Variants in OSTN observed in about 807,000 individuals in gnomAD.
The protein encoded by OSTN is osteocrin.
In OSTN, 9 loss-of-function variants were observed where a neutral mutation model predicts 12.0. The observed-to-expected ratio is 0.75, with a 90% CI of 0.45 to 1.30. The LOEUF is 1.30. Among genes scored for constraint, OSTN ranks in the 50% most tolerant of loss-of-function variants. The pLI is 0.00. For missense variants in OSTN, 148 were observed against 152.3 expected, an observed-to-expected ratio of 0.97 and a Z score of 0.15; for synonymous variants, 59 against 56.9, an observed-to-expected ratio of 1.04 and a Z score of -0.16.
chr3:191,211,113 C>T (rs1306325082), intron 1 of OSTN, among the ~76,000 whole-genome samples: 1 of 152,174 alleles, frequency 6.6e-6, no homozygotes, highest in Non-Finnish European at 1.5e-5. Context: ...CTCACTTCTT[C>T]ATCTCTGCAG....
intron 3 of OSTN, among the ~76,000 whole-genome samples, chr3:191,235,119 T>C (rs73199661): frequency 0.35 from 52,744 of 152,136 alleles, 11,075 homozygotes; most frequent in Non-Finnish European, 0.43. Context: ...CCCATCCCCA[T>C]GCATTCCAAC....
intron 1 of OSTN, among the ~76,000 whole-genome samples, chr3:191,205,308 C>T (rs1034503272): frequency 2.0e-5 from 3 of 152,056 alleles, no homozygotes; most frequent in Non-Finnish European, 2.9e-5. Flanking sequence ...TATTCCTGTC[C>T]TTCAAGTCTG....
intron 3 of OSTN, among the ~76,000 whole-genome samples, chr3:191,226,121 C>G (rs566545573): frequency 7.9e-5 from 12 of 151,900 alleles, no homozygotes; most frequent in African/African-American, 2.7e-4. Flanking sequence ...ATATGAATAT[C>G]GAGACAAAAG....
intron 3 of OSTN, among the ~76,000 whole-genome samples, chr3:191,220,317 T>C (rs1714730561): frequency 6.6e-6 from 1 of 152,194 alleles, no homozygotes; most frequent in Non-Finnish European, 1.5e-5. Flanking sequence ...AATCCTCTCC[T>C]ATATTTTGAA....
At chr3:191,260,646 A>G (rs557516418) in intron 4 of OSTN, among the ~76,000 whole-genome samples, 56 of 152,262 alleles carry the variant, frequency 3.7e-4, no homozygotes, top group African/African-American at 1.2e-3. Context: ...ATTAGTAACA[A>G]AAAAAGTCTT....
At chr3:191,248,051 C>T (rs1303042769) in intron 3 of OSTN, among the ~76,000 whole-genome samples, 2 of 152,106 alleles carry the variant, frequency 1.3e-5, no homozygotes, top group Non-Finnish European at 1.5e-5. Flanking sequence ...CCAGGCTGAT[C>T]TCAAACTCCA....
At chr3:191,245,580 G>C (rs2108549340) in intron 3 of OSTN, among the ~76,000 whole-genome samples, 1 of 152,168 alleles carries the variant, frequency 6.6e-6, no homozygotes, top group South Asian at 2.1e-4. Context: ...AGGAAAGAAA[G>C]GAAGTAAAAC....
chr3:191,260,590 A>G (rs1406610976), intron 4 of OSTN, among the ~76,000 whole-genome samples: 2 of 152,170 alleles, frequency 1.3e-5, no homozygotes, highest in African/African-American at 2.4e-5. Context: ...AAAGCTCCTT[A>G]TGGACAGGAC....
chr3:191,212,438 T>G (rs1714481711), intron 1 of OSTN, 95 bp from the exon 2 acceptor site: 1 of 593,476 alleles, frequency 1.7e-6, no homozygotes, highest in East Asian at 3.6e-5. Context: ...TAATTTGGCT[T>G]ACCATTTGCC....
chr3:191,261,822 A>G (rs1243442258), intron 4 of OSTN, among the ~76,000 whole-genome samples: 1 of 152,254 alleles, frequency 6.6e-6, no homozygotes, highest in African/African-American at 2.4e-5. Context: ...ACTCAAATTC[A>G]AAGAAGTATT....
At chr3:191,208,937 C>T (rs113000138) in intron 1 of OSTN, among the ~76,000 whole-genome samples, 52 of 152,200 alleles carry the variant, frequency 3.4e-4, no homozygotes, top group Non-Finnish European at 6.8e-4. Flanking sequence ...GCAGGTGGAT[C>T]ACCTGAGGTC....
chr3:191,224,168 G>C (rs894037967), intron 3 of OSTN, among the ~76,000 whole-genome samples: 1 of 151,852 alleles, frequency 6.6e-6, no homozygotes, highest in Non-Finnish European at 1.5e-5. Flanking sequence ...ACCTGAGGTC[G>C]GGAGTTGGAT....
rs77662219 is a variant in OSTN, at chr3:191,224,378, G to GA, written c.317+5433dup. Among the ~76,000 whole-genome samples the GA allele has an allele frequency of 0.032, 2,196 of 67,916 alleles. 150 individuals are homozygous for GA. The East Asian group carries it at 0.33, about 10-fold the overall frequency. 44.6% of individuals were successfully genotyped at this position (67,916 alleles called of 152,430 possible). On this transcript the variant is annotated intron_variant, in intron 3 of 4. Coordinates refer to ENST00000682035, the MANE Select transcript of OSTN (RefSeq NM_198184.2). ...GCAACAAGAGTGAAACTCCATCTCA[G>GA]AAAAAAAAAAAAAAAAGAAACATAT...
chr3:191,244,961 C>G (rs768632742), intron 3 of OSTN, among the ~76,000 whole-genome samples: 7 of 152,094 alleles, frequency 4.6e-5, no homozygotes, highest in Non-Finnish European at 7.4e-5. Flanking sequence ...GTAGTTTTCA[C>G]TTAAACTCTG....
intron 3 of OSTN, among the ~76,000 whole-genome samples, chr3:191,231,354 CAT>C (rs58457250): frequency 0.031 from 4,616 of 150,522 alleles, 217 homozygotes; most frequent in East Asian, 0.23. Context: ...AAAAATCACA[CAT>C]ATATATATAT....
chr3:191,235,649 T>C (rs1349096083), intron 3 of OSTN, among the ~76,000 whole-genome samples: 1 of 152,138 alleles, frequency 6.6e-6, no homozygotes, highest in Admixed American at 6.5e-5. Flanking sequence ...ATGCCCCTCA[T>C]CCTCACCCTA....
At chr3:191,234,292 G>C (rs1218849619) in intron 3 of OSTN, among the ~76,000 whole-genome samples, 1 of 152,244 alleles carries the variant, frequency 6.6e-6, no homozygotes, top group South Asian at 2.1e-4. Flanking sequence ...AAAACTCTGG[G>C]TACAGGTAGA....
chr3:191,259,629 A>C (rs1361216055), intron 4 of OSTN, among the ~76,000 whole-genome samples: 1 of 151,824 alleles, frequency 6.6e-6, no homozygotes, highest in Non-Finnish European at 1.5e-5. Context: ...CAAAAGTCAC[A>C]CAGATGTCAA....
intron 1 of OSTN, among the ~76,000 whole-genome samples, chr3:191,208,944 G>A (rs888844153): frequency 6.6e-6 from 1 of 152,186 alleles, no homozygotes; most frequent in Non-Finnish European, 1.5e-5. Context: ...GATCACCTGA[G>A]GTCAGGAGTT....
Sources: allele counts gnomAD v4.1 joint callset (sites outside exome capture counted in the v4.1 genomes callset), GRCh38; gene constraint gnomAD v4.1.1; transcripts MANE v1.5; gene names NCBI Gene and HGNC (gene_info 2026-07-23, HGNC 2026-07-21).